Variants in PTPRJ observed in about 807,000 individuals in gnomAD.
PTPRJ encodes protein tyrosine phosphatase receptor type J, also known as receptor-type tyrosine-protein phosphatase eta.
PTPRJ carries 129 observed loss-of-function variants against 141.3 expected under a neutral mutation model. That is an observed-to-expected ratio of 0.91 (90% CI 0.79 to 1.06). The LOEUF (loss-of-function observed/expected upper bound fraction) is 1.06. Ranked by LOEUF, PTPRJ falls within the 50% of genes least tolerant of loss-of-function variation. The pLI, the probability that PTPRJ is intolerant of heterozygous loss-of-function variation, is 0.00. For synonymous variants in PTPRJ, 610 were observed against 640.5 expected (o/e 0.95, Z 0.72); for missense variants, 1,601 against 1,679.7 (o/e 0.95, Z 0.82).
chr11:48,136,334 TCTAA>T (rs774372250), intron 9 of PTPRJ, 38 bp downstream of exon 9: 3 of 1,594,520 alleles, frequency 1.9e-6, no homozygotes, highest in Middle Eastern at 1.7e-4. Flanking sequence ...GAACAGCCTC[TCTAA>T]CTGTCTCTTG....
chr11:47,980,670 G>C lies in PTPRJ; in HGVS notation c.-243G>C, dbSNP rs1365048950. The C allele has an allele frequency of 4.7e-5, 46 of 987,142 alleles. No individual in the cohort carries two copies. Among genetic ancestry groups the C allele is most frequent in the Non-Finnish European group, 5.5e-5 (46 of 832,386 alleles). 61.1% of individuals were successfully genotyped at this position (987,142 alleles called of 1,614,324 possible). ...GCTCGCTCCGCCCCGCGAAGCCCCTGCGCGCTCAGGGACGCGGCCCCCCCG... is the reference window on the plus strand; with the variant it reads ...GCTCGCTCCGCCCCGCGAAGCCCCTCCGCGCTCAGGGACGCGGCCCCCCCG... On this transcript the variant is annotated 5_prime_UTR_variant, in exon 1 of 25. Coordinates refer to ENST00000418331, the MANE Select transcript of PTPRJ (RefSeq NM_002843.4).
At chr11:48,040,331 A>G (rs12288995) in intron 1 of PTPRJ, among the ~76,000 whole-genome samples, 2,440 of 152,346 alleles carry the variant, frequency 0.016, 63 homozygotes, top group African/African-American at 0.056. Context: ...ACCTGGAGTA[A>G]AAGAAATTCT....
intron 1 of PTPRJ, among the ~76,000 whole-genome samples, chr11:48,032,996 T>C (rs1292906065): frequency 6.7e-6 from 1 of 150,204 alleles, no homozygotes; most frequent in Non-Finnish European, 1.5e-5. Context: ...GGTGGGGAGA[T>C]CACTTGAGCC....
chr11:48,109,242 A>G (rs11039520), intron 1 of PTPRJ, among the ~76,000 whole-genome samples: 24,823 of 151,556 alleles, frequency 0.16, 2,316 homozygotes, highest in African/African-American at 0.24. Context: ...TTTTTCCACC[A>G]GGGTCCTTTT....
intron 1 of PTPRJ, among the ~76,000 whole-genome samples, chr11:47,994,558 G>A (rs570741608): frequency 1.3e-5 from 2 of 152,240 alleles, no homozygotes; most frequent in South Asian, 4.1e-4. Flanking sequence ...TGAGGCATGA[G>A]CATCACTTGA....
chr11:48,062,257 TA>T (rs1590455325), intron 1 of PTPRJ, among the ~76,000 whole-genome samples: 1 of 149,308 alleles, frequency 6.7e-6, no homozygotes, highest in African/African-American at 2.4e-5. Flanking sequence ...CTCATGCCTG[TA>T]ATCCCAGCAC....
chr11:48,049,565 C>CAAAA (rs746217685), intron 1 of PTPRJ, among the ~76,000 whole-genome samples: 139 of 150,814 alleles, frequency 9.2e-4, no homozygotes, highest in African/African-American at 3.2e-3. Context: ...CAAAACAAAA[C>CAAAA]AAGTCGGGTG....
At chr11:48,060,765 A>T (rs73464874) in intron 1 of PTPRJ, among the ~76,000 whole-genome samples, 4,477 of 152,256 alleles carry the variant, frequency 0.029, 222 homozygotes, top group African/African-American at 0.1. Flanking sequence ...ACTCTTTCAG[A>T]ATAATGCATG....
At chr11:48,013,585 T>C (rs1425726632) in intron 1 of PTPRJ, among the ~76,000 whole-genome samples, 4 of 152,166 alleles carry the variant, frequency 2.6e-5, no homozygotes, top group Non-Finnish European at 5.9e-5. Context: ...GTCATTTGGG[T>C]GGCCTGACTG....
rs1857308585 is a variant in PTPRJ at position 48,144,571 on chromosome 11, T to C, written c.2576-104T>C. ...GCACAGAGAGATACTTGAGAGATGG[T>C]TGCTGATCACTATCACCCAACATCA... On this transcript the variant is annotated intron_variant, in intron 12 of 24. Coordinates refer to ENST00000418331, the MANE Select transcript of PTPRJ (RefSeq NM_002843.4). The C allele has an allele frequency of 5.6e-6, 5 of 893,960 alleles. No homozygotes were observed. The Admixed American group carries it at 9.3e-5, about 17-fold the overall frequency. 55.4% of individuals were successfully genotyped at this position (893,960 alleles called of 1,614,324 possible).
In PTPRJ at chr11:48,139,639, C is replaced by T. The variant is rs372685278; in HGVS notation, c.2306C>T (p.Ser769Phe). 1.5e-5 allele frequency: 25 copies of T among 1,614,118 alleles called. No individual in the cohort carries two copies. In the African/African-American group the frequency reaches 2.1e-4, roughly 14 times the overall value. ...WNNATHLESCSSENGTEYRTE... is the reference protein window; with the variant it reads ...WNNATHLESCFSENGTEYRTE... The stretch of plus-strand genomic sequence containing the variant: ...AATGCGACCCACCTGGAGAGCTGCT[C>T]CTCTGAGAATGGCACTGAGTATAGA... Residue 769 changes from serine to phenylalanine, a missense_variant, in exon 11 of 25, where the codon TCC (serine) becomes TTC (phenylalanine). By Grantham distance (155) the Ser-to-Phe change is radical (BLOSUM62 -2). Coordinates refer to ENST00000418331, the MANE Select transcript of PTPRJ (RefSeq NM_002843.4).
In PTPRJ at chr11:48,163,480, C is replaced by T. The variant is rs1294969708; in HGVS notation, c.3581C>T (p.Pro1194Leu). 1 of 1,614,044 alleles carries T rather than the reference C, an allele frequency of 6.2e-7. No homozygotes were observed. The highest frequency in any genetic ancestry group is 1.1e-5 in the South Asian group (1 of 91,072). ...TAGATCCAGACAAGTGAGAGTCACCCTCTGAGACAGTTCCATTTCACCTCC... is the reference window on the plus strand; with the variant it reads ...TAGATCCAGACAAGTGAGAGTCACCTTCTGAGACAGTTCCATTTCACCTCC... ...VKNIQTSESH[P>L]LRQFHFTSWP... Residue 1194 changes from proline to leucine, a missense_variant, in exon 23 of 25, where the codon CCT becomes CTT. By Grantham distance (98) the Pro-to-Leu change is moderately conservative. Coordinates refer to ENST00000418331, the MANE Select transcript of PTPRJ (RefSeq NM_002843.4).
chr11:48,054,922 C>T (rs528935032), intron 1 of PTPRJ, among the ~76,000 whole-genome samples: 8 of 151,668 alleles, frequency 5.3e-5, no homozygotes, highest in Non-Finnish European at 7.4e-5. Context: ...TGGTGGCTCA[C>T]GCCTGTAATC....
intron 1 of PTPRJ, among the ~76,000 whole-genome samples, chr11:48,017,361 G>C (rs759493200): frequency 6.6e-6 from 1 of 152,262 alleles, no homozygotes; most frequent in East Asian, 1.9e-4. Context: ...AACAAGCCTG[G>C]CACACTGAGT....
At chr11:48,107,032 G>C (rs1261273054) in intron 1 of PTPRJ, among the ~76,000 whole-genome samples, 2 of 152,064 alleles carry the variant, frequency 1.3e-5, no homozygotes, top group Non-Finnish European at 2.9e-5. Context: ...GCCTCACAAA[G>C]TGCTGGGATT....
At chr11:48,135,326 C>T (rs193136035) in intron 8 of PTPRJ, among the ~76,000 whole-genome samples, 24 of 151,782 alleles carry the variant, frequency 1.6e-4, no homozygotes, top group Admixed American at 1.5e-3. Flanking sequence ...AGGCATGCAC[C>T]ACCACGCCCG....
chr11:48,027,844 G>C (rs1273500042), intron 1 of PTPRJ, among the ~76,000 whole-genome samples: 1 of 145,116 alleles, frequency 6.9e-6, no homozygotes, highest in East Asian at 2.0e-4. Context: ...GGGCCTGTCT[G>C]CTCTCCAGGG....
chr11:48,056,657 T>C (rs1466607296), intron 1 of PTPRJ, among the ~76,000 whole-genome samples: 2 of 152,154 alleles, frequency 1.3e-5, no homozygotes, highest in Non-Finnish European at 2.9e-5. Context: ...GTTTTACAGA[T>C]GCTAAAACTC....
chr11:48,094,541 C>G (rs1360630217), intron 1 of PTPRJ, among the ~76,000 whole-genome samples: 1 of 152,082 alleles, frequency 6.6e-6, no homozygotes, highest in African/African-American at 2.4e-5. Flanking sequence ...GCTTGCTGGC[C>G]CAACCTTTTG....
Sources: gnomAD v4.1 joint callset for allele counts (sites outside exome capture counted in the v4.1 genomes callset) on GRCh38, gnomAD v4.1.1 for gene constraint, MANE v1.5 for transcripts, NCBI Gene and HGNC (gene_info 2026-07-23, HGNC 2026-07-21) for gene names.